Variants in CNTN6 observed in about 807,000 individuals in gnomAD.
CNTN6 encodes contactin-6.
CNTN6 carries 137 observed loss-of-function variants against 122.8 expected under a neutral mutation model. That is an observed-to-expected ratio of 1.12 (90% CI 0.97 to 1.29). CNTN6 has a LOEUF of 1.29. Among genes scored for constraint, CNTN6 ranks in the 50% most tolerant of loss-of-function variants. The pLI is 0.00. For synonymous variants in CNTN6, 570 were observed against 426.0 expected (o/e 1.34, Z -4.16); for missense variants, 1,634 against 1,223.4 (o/e 1.34, Z -5.01).
chr3:1,096,848 A>G (rs2124923244), intron 1 of CNTN6, among the ~76,000 whole-genome samples: 1 of 152,258 alleles, frequency 6.6e-6, no homozygotes, highest in East Asian at 1.9e-4. Flanking sequence ...GGTTTTGTCC[A>G]CTAACATTTT....
At chr3:1,372,111 T>C (rs1709097360) in intron 12 of CNTN6, among the ~76,000 whole-genome samples, 188 bp from the exon 13 acceptor site, 1 of 152,142 alleles carries the variant, frequency 6.6e-6, no homozygotes, top group Non-Finnish European at 1.5e-5. Flanking sequence ...TTAGTATAAG[T>C]AATAAGCTAC....
At chr3:1,274,561 T>A (rs531431924) in intron 4 of CNTN6, among the ~76,000 whole-genome samples, 1 of 152,312 alleles carries the variant, frequency 6.6e-6, no homozygotes, top group African/African-American at 2.4e-5. Flanking sequence ...GGTGAATCTA[T>A]CTTATTGAAC....
intron 2 of CNTN6, among the ~76,000 whole-genome samples, chr3:1,202,671 G>T (rs919834141): frequency 2.4e-4 from 36 of 152,136 alleles, no homozygotes; most frequent in African/African-American, 8.7e-4. Context: ...AAGTAAGAAA[G>T]ACAGGAACCC....
intron 4 of CNTN6, among the ~76,000 whole-genome samples, chr3:1,270,251 C>G (rs370000900): frequency 6.6e-6 from 1 of 151,492 alleles, no homozygotes; most frequent in East Asian, 1.9e-4. Flanking sequence ...AGAACTAAAA[C>G]AAAATCACTC....
At chr3:1,113,367 T>A (rs1168058576) in intron 1 of CNTN6, among the ~76,000 whole-genome samples, 1 of 152,174 alleles carries the variant, frequency 6.6e-6, no homozygotes, top group Non-Finnish European at 1.5e-5. Context: ...ATATGTATAT[T>A]TTTCCAGAAT....
At chr3:1,170,220 G>A (rs1459012126) in intron 2 of CNTN6, among the ~76,000 whole-genome samples, 6 of 120,496 alleles carry the variant, frequency 5.0e-5, no homozygotes, top group Admixed American at 1.1e-4. Flanking sequence ...CTGGATGACA[G>A]AGTAAGGCTC....
chr3:1,245,224 ATATATATATATACACAC>A (rs2094548844), intron 4 of CNTN6, among the ~76,000 whole-genome samples: 3 of 19,946 alleles, frequency 1.5e-4, no homozygotes, highest in African/African-American at 3.8e-4. Context: ...ATATATATAT[ATATATATATATACACAC>A]ACACATATAT....
intron 4 of CNTN6, 64 bp from the exon 5 acceptor site, chr3:1,278,348 TC>T (rs1692787935): frequency 3.5e-6 from 4 of 1,140,402 alleles, no homozygotes; most frequent in Non-Finnish European, 5.1e-6. Flanking sequence ...TTCTTGAGAT[TC>T]TTCTTTAAAA....
rs1330171050 is a variant in CNTN6 at position 1,321,812 on chromosome 3, A to G, written c.924A>G (p.Ala308=). The change falls in exon 8 of 23, where the codon GCA becomes GCG. Residue 308 remains alanine (A), a synonymous_variant. Transcript: ENST00000446702. The part of the protein sequence containing the change: ...IASNLRGRNL[A]KGQLIFYAPP... The stretch of plus-strand genomic sequence containing the variant: ...GCAACCTTCGAGGAAGAAACCTTGC[A>G]AAGGGTCAACTCATTTTTTATGGTG... 6.2e-7 allele frequency: 1 copy of G among 1,608,060 alleles called. No homozygotes were observed. The highest frequency in any genetic ancestry group is 1.7e-5 in the Admixed American group (1 of 59,198).
intron 12 of CNTN6, among the ~76,000 whole-genome samples, chr3:1,367,831 T>C (rs1575893694): frequency 6.6e-6 from 1 of 151,938 alleles, no homozygotes; most frequent in Admixed American, 6.5e-5. Flanking sequence ...GAAACGGCAG[T>C]GGATGGCAGC....
At chr3:1,214,779 T>C (rs1004466595) in intron 2 of CNTN6, among the ~76,000 whole-genome samples, 1 of 152,160 alleles carries the variant, frequency 6.6e-6, no homozygotes, top group Admixed American at 6.6e-5. Context: ...GTGTGTGTGA[T>C]GGGGTCTTGC....
At chr3:1,245,858 GGAA>G (rs1373104606) in intron 4 of CNTN6, among the ~76,000 whole-genome samples, 4 of 151,960 alleles carry the variant, frequency 2.6e-5, no homozygotes, top group Non-Finnish European at 5.9e-5. Flanking sequence ...GGGCTACAGT[GGAA>G]GAAGAATTGT....
Position 1,383,113 on chromosome 3 carries a change from G to A in CNTN6, c.2338G>A (p.Val780Met). The change falls in exon 18 of 23, where the codon GTG (valine) becomes ATG (methionine). Residue 780 changes from valine to methionine, a missense_variant. By Grantham distance (21) the Val-to-Met change is conservative. Transcript: ENST00000446702. ...PLSPFEVKVG[V>M]YNNEGEGSLS... ...GTCTCCCTTTGAAGTCAAAGTGGGT[G>A]TGTATAATAATGAAGGAGAAGGATC... 1 of 1,614,072 alleles carries A rather than the reference G, an allele frequency of 6.2e-7. No homozygotes were observed. Among genetic ancestry groups the A allele is most frequent in the Non-Finnish European group, 8.5e-7 (1 of 1,179,944 alleles).
chr3:1,396,245 T>C (rs981731819), intron 20 of CNTN6, among the ~76,000 whole-genome samples: 3 of 152,234 alleles, frequency 2.0e-5, no homozygotes, highest in Non-Finnish European at 4.4e-5. Context: ...TTCACTTACC[T>C]GGCTTCATGA....
intron 4 of CNTN6, among the ~76,000 whole-genome samples, chr3:1,273,631 T>G (rs1559674367): frequency 6.6e-6 from 1 of 152,226 alleles, no homozygotes; most frequent in Non-Finnish European, 1.5e-5. Context: ...CTATGATCTG[T>G]GTGCTATTAA....
At chr3:1,325,110 G>T (rs1575707027) in intron 8 of CNTN6, among the ~76,000 whole-genome samples, 1 of 151,910 alleles carries the variant, frequency 6.6e-6, no homozygotes, top group East Asian at 1.9e-4. Flanking sequence ...TTCCATGAAT[G>T]ATGGTAAAAA....
intron 4 of CNTN6, among the ~76,000 whole-genome samples, chr3:1,261,079 A>G (rs1051911421): frequency 6.6e-6 from 1 of 152,200 alleles, no homozygotes; most frequent in Admixed American, 6.5e-5. Flanking sequence ...GTTTGCCACC[A>G]GTGGAAACTA....
intron 2 of CNTN6, among the ~76,000 whole-genome samples, chr3:1,205,722 G>A (rs2093948682): frequency 6.6e-6 from 1 of 152,084 alleles, no homozygotes; most frequent in African/African-American, 2.4e-5. Flanking sequence ...ATCAATGAAG[G>A]GACCAGTAAA....
intron 1 of CNTN6, among the ~76,000 whole-genome samples, chr3:1,096,497 T>C (rs1318800320): frequency 6.6e-6 from 1 of 152,230 alleles, no homozygotes; most frequent in Admixed American, 6.5e-5. Context: ...TTGTCTACTT[T>C]CCACATCTTT....
Sources: gnomAD v4.1 joint callset for allele counts (sites outside exome capture counted in the v4.1 genomes callset) on GRCh38, gnomAD v4.1.1 for gene constraint, MANE v1.5 for transcripts, NCBI Gene and HGNC (gene_info 2026-07-23, HGNC 2026-07-21) for gene names.